Variants in FNTA observed in about 807,000 individuals in gnomAD.
FNTA encodes protein farnesyltransferase/geranylgeranyltransferase type-1 subunit alpha.
Under a neutral mutation model 55.2 loss-of-function variants are expected in FNTA, and 27 were observed. The observed-to-expected ratio is 0.49, with a 90% CI of 0.36 to 0.67. The LOEUF is 0.67. Among genes scored for constraint, FNTA ranks in the 30% least tolerant of loss-of-function variants. The probability of loss-of-function intolerance (pLI) is 0.00; values close to 1 mark genes in which losing one functional copy is unlikely to be tolerated. For missense variants in FNTA, 422 were observed against 464.7 expected, an observed-to-expected ratio of 0.91 and a Z score of 0.85; for synonymous variants, 176 against 170.7, an observed-to-expected ratio of 1.03 and a Z score of -0.24.
Position 43,085,445 on chromosome 8 carries a change from C to A in FNTA, c.*163C>A. 1.6e-6 allele frequency: 1 copy of A among 621,218 alleles called. No homozygotes were observed. The highest frequency in any genetic ancestry group is 2.2e-5 in the South Asian group (1 of 44,756). 38.5% of individuals were successfully genotyped at this position (621,218 alleles called of 1,614,324 possible). A position where few individuals can be genotyped will look rare whatever the true frequency, so the allele number is the denominator to read the frequency against. ...ATGCTCCTTGGGTGCTGCTGCTACT[C>A]AGACTAGCTCTAAGTAATGTGATTC... On this transcript the variant is annotated 3_prime_UTR_variant, in exon 9 of 9. Transcript: ENST00000302279.
At chr8:43,066,383 A>G (rs1810659508) in intron 3 of FNTA, among the ~76,000 whole-genome samples, 1 of 150,260 alleles carries the variant, frequency 6.7e-6, no homozygotes, top group East Asian at 1.9e-4. Flanking sequence ...CAGCCTCCCG[A>G]GTAGCTGGGA....
Position 43,056,418 on chromosome 8 carries a change from C to T in FNTA, c.72C>T (p.Pro24=). The T allele has an allele frequency of 2.6e-6, 4 of 1,524,630 alleles. No individual in the cohort carries two copies. The highest frequency in any genetic ancestry group is 3.5e-6 in the Non-Finnish European group (4 of 1,138,960). The allele number at this position is 1,524,630 out of a possible 1,614,324, so 94.4% of individuals were successfully genotyped here. A position where few individuals can be genotyped will look rare whatever the true frequency, so the allele number is the denominator to read the frequency against. ...GEPGQPAQPP[P]QPHPPPPQQQ... is the part of the protein sequence containing the mutation. ...CCGGGCAGCCGGCGCAACCCCCGCC[C>T]CAGCCGCACCCACCGCCGCCCCAGC... Residue 24 remains proline (P), a synonymous_variant, in exon 1 of 9, where the codon CCC becomes CCT. Coordinates refer to ENST00000302279, the MANE Select transcript of FNTA (RefSeq NM_002027.3).
chr8:43,063,453 G>A (rs147441327), intron 2 of FNTA, among the ~76,000 whole-genome samples: 4 of 152,228 alleles, frequency 2.6e-5, no homozygotes, highest in Non-Finnish European at 2.9e-5. Flanking sequence ...GGGTCAAAGA[G>A]TATGTAAATT....
chr8:43,064,049 G>A, intron 2 of FNTA, 52 bp from the exon 3 acceptor site: 1 of 1,064,928 alleles, frequency 9.4e-7, no homozygotes, highest in Non-Finnish European at 1.5e-6. Flanking sequence ...ATACATTATA[G>A]TGCTAATTTT....
intron 7 of FNTA, among the ~76,000 whole-genome samples, chr8:43,084,378 A>G (rs892577853): frequency 6.6e-6 from 1 of 151,856 alleles, no homozygotes; most frequent in African/African-American, 2.4e-5. Context: ...ACCACTAGGC[A>G]TGGCTGATTT....
chr8:43,085,277 C>G lies in FNTA; in HGVS notation c.1135C>G (p.Gln379Glu), dbSNP rs1275605087. 3 of 1,602,126 alleles carry G rather than the reference C, an allele frequency of 1.9e-6. No individual in the cohort carries two copies. Among genetic ancestry groups the G allele is most frequent in the Non-Finnish European group, 2.5e-6 (3 of 1,177,656 alleles). ...TENDSPTNVQ[Q>E] ...AAATGACTCACCAACAAATGTACAG[C>G]AATAACACCATCCAGAAGAACTTGA... The change falls in exon 9 of 9, where the codon CAA becomes GAA. Residue 379 changes from glutamine (Q) to glutamate (E), a missense_variant. By Grantham distance (29) the Gln-to-Glu change is conservative. Around this residue, in one of 2 missense-constraint regions of FNTA, gnomAD observed 262 missense variants for 343.1 expected, o/e 0.76. Coordinates refer to ENST00000302279, the MANE Select transcript of FNTA (RefSeq NM_002027.3).
intron 4 of FNTA, among the ~76,000 whole-genome samples, chr8:43,069,913 G>A (rs1193199232): frequency 1.3e-5 from 2 of 152,140 alleles, no homozygotes; most frequent in East Asian, 1.9e-4. Context: ...CAAAGTGCAG[G>A]GATTACAGGT....
intron 6 of FNTA, chr8:43,080,804 G>A (rs1037353181): frequency 3.9e-5 from 6 of 152,162 alleles, no homozygotes; most frequent in African/African-American, 1.4e-4. Context: ...AACATTATTC[G>A]TCTAAAGATT....
chr8:43,059,787 T>C lies in FNTA; in HGVS notation c.286+610T>C, dbSNP rs779837610. On this transcript the variant is annotated intron_variant, in intron 2 of 8. Coordinates refer to ENST00000302279, the MANE Select transcript of FNTA (RefSeq NM_002027.3). ...TCTTTCAGTTAAGGCTTTTCTAAGA[T>C]CATTCTTTTACAAAAGCATTTTTTT... 2.7e-5 allele frequency among the ~76,000 whole-genome samples: 3 copies of C among 110,062 alleles called. No individual in the cohort carries two copies. The South Asian group carries it at 9.7e-4, about 36-fold the overall frequency. The allele number at this position is 110,062 out of a possible 152,430, so 72.2% of individuals were successfully genotyped here.
chr8:43,085,325 A>G lies in FNTA; in HGVS notation c.*43A>G, dbSNP rs574807375. The G allele has an allele frequency of 1.9e-6, 3 of 1,587,250 alleles. No homozygotes were observed. The highest frequency in any genetic ancestry group is 2.3e-5 in the South Asian group (2 of 87,028). Reference sequence around the variant, plus strand: ...TGATGGAATGCTTTTATTTTTTATTAAGGGACCCTGCAGGAGTTTCACACG... The same window carrying G: ...TGATGGAATGCTTTTATTTTTTATTGAGGGACCCTGCAGGAGTTTCACACG... On this transcript the variant is annotated 3_prime_UTR_variant, in exon 9 of 9. Coordinates refer to ENST00000302279, the MANE Select transcript of FNTA (RefSeq NM_002027.3).
intron 2 of FNTA, among the ~76,000 whole-genome samples, chr8:43,059,861 T>G (rs754957182): frequency 6.6e-6 from 1 of 152,244 alleles, no homozygotes; most frequent in South Asian, 2.1e-4. Context: ...AATGATAGGT[T>G]TGCCGTATTA....
chr8:43,065,278 G>A (rs1163109867), intron 3 of FNTA, among the ~76,000 whole-genome samples: 3 of 149,252 alleles, frequency 2.0e-5, no homozygotes, highest in East Asian at 2.0e-4. Flanking sequence ...ATGGAGTTTC[G>A]CTCTTGTTGC....
chr8:43,071,920 A>G (rs996840080), intron 4 of FNTA, among the ~76,000 whole-genome samples: 2 of 152,218 alleles, frequency 1.3e-5, no homozygotes, highest in African/African-American at 4.8e-5. Flanking sequence ...CTCTCATTAT[A>G]CAATCTAGTA....
At chr8:43,075,858 ATTTCTTTTCTT>A (rs1810897762) in intron 5 of FNTA, among the ~76,000 whole-genome samples, 2 of 150,492 alleles carry the variant, frequency 1.3e-5, no homozygotes, top group Admixed American at 6.6e-5. Context: ...AATTGTGTAT[ATTTCTTTTCTT>A]TTTCTTTTTC....
chr8:43,064,566 C>T (rs895007484), intron 3 of FNTA, among the ~76,000 whole-genome samples: 8 of 152,046 alleles, frequency 5.3e-5, no homozygotes, highest in African/African-American at 9.7e-5. Flanking sequence ...CCACTCCCCG[C>T]GGCCTCCTAA....
chr8:43,061,002 C>T (rs529657458), intron 2 of FNTA, among the ~76,000 whole-genome samples: 2 of 152,120 alleles, frequency 1.3e-5, no homozygotes, highest in Non-Finnish European at 2.9e-5. Flanking sequence ...AGGAAGAATC[C>T]TTTATCATTA....
chr8:43,085,498 G>A lies in FNTA; in HGVS notation c.*216G>A, dbSNP rs1230770401. On this transcript the variant is annotated 3_prime_UTR_variant, in exon 9 of 9. Coordinates refer to ENST00000302279, the MANE Select transcript of FNTA (RefSeq NM_002027.3). Reference sequence around the variant, plus strand: ...CTAAAGCAAAGTCATTGGATGGGAGGAGGAAGAAAAAGTCCCATAAAGGAA... The same window carrying A: ...CTAAAGCAAAGTCATTGGATGGGAGAAGGAAGAAAAAGTCCCATAAAGGAA... 1 of 528,110 alleles carries A rather than the reference G, an allele frequency of 1.9e-6. No homozygotes were observed. The highest frequency in any genetic ancestry group is 3.5e-5 in the East Asian group (1 of 28,558). The allele number at this position is 528,110 out of a possible 1,614,324, so 32.7% of individuals were successfully genotyped here.
intron 1 of FNTA, 158 bp downstream of exon 1, chr8:43,056,704 C>T: frequency 6.6e-6 from 2 of 302,754 alleles, no homozygotes; most frequent in Non-Finnish European, 1.1e-5. Context: ...GCTGCCGGGA[C>T]GTCGCCGCTT....
At chr8:43,081,068 ACT>A (rs937023782) in intron 6 of FNTA, 15 of 152,204 alleles carry the variant, frequency 9.9e-5, no homozygotes, top group African/African-American at 2.2e-4. Flanking sequence ...ATTTTTTTTA[ACT>A]CTAAGCATAC....
Sources: allele counts gnomAD v4.1 joint callset (sites outside exome capture counted in the v4.1 genomes callset), GRCh38; gene constraint gnomAD v4.1.1; regional missense constraint gnomAD v4.1.1; transcripts MANE v1.5; gene names NCBI Gene and HGNC (gene_info 2026-07-23, HGNC 2026-07-21).